Variants in GALNT17 observed in about 807,000 individuals in gnomAD.
GALNT17 encodes polypeptide N-acetylgalactosaminyltransferase 17.
In GALNT17, 29 loss-of-function variants were observed where a neutral mutation model predicts 63.7. The observed-to-expected ratio is 0.46, with a 90% confidence interval of 0.34 to 0.62. The LOEUF is 0.62. Among genes scored for constraint, GALNT17 ranks in the 20% least tolerant of loss-of-function variants. GALNT17 has a pLI of 0.01. For missense variants in GALNT17, 603 were observed against 799.6 expected (o/e 0.75, Z 2.97); for synonymous variants, 305 against 318.3 (o/e 0.96, Z 0.45).
At chr7:71,413,558 G>A (rs1202935239) in intron 3 of GALNT17, among the ~76,000 whole-genome samples, 1 of 150,152 alleles carries the variant, frequency 6.7e-6, no homozygotes, top group East Asian at 2.0e-4. Context: ...TTTTTTAGAA[G>A]AGACAGGGTT....
intron 5 of GALNT17, among the ~76,000 whole-genome samples, chr7:71,476,307 C>T (rs1000067084): frequency 1.3e-5 from 2 of 152,142 alleles, no homozygotes; most frequent in African/African-American, 2.4e-5. Context: ...TTGGGGTTAC[C>T]CTGCCCTTCC....
chr7:71,390,903 G>T (rs899775504), intron 3 of GALNT17, among the ~76,000 whole-genome samples: 1 of 152,234 alleles, frequency 6.6e-6, no homozygotes, highest in Non-Finnish European at 1.5e-5. Flanking sequence ...CCAGGAGCAA[G>T]TGTAAACCCA....
intron 1 of GALNT17, among the ~76,000 whole-genome samples, chr7:71,178,201 T>C (rs1788672808): frequency 6.6e-6 from 1 of 152,194 alleles, no homozygotes; most frequent in South Asian, 2.1e-4. Context: ...GGGTTGACAG[T>C]TTTTAAAAAT....
rs150156407 is a variant in GALNT17, at chr7:71,169,673, A to G, written c.238+36633A>G. ...TGGGCTCAAGTGATCCTCCCACCTC[A>G]GCCTCCAGAGTAGCTGGAACTACAG... On this transcript the variant is annotated intron_variant, in intron 1 of 10. Coordinates refer to ENST00000333538, the MANE Select transcript of GALNT17 (RefSeq NM_022479.3). 4.6e-5 allele frequency among the ~76,000 whole-genome samples: 7 copies of G among 152,244 alleles called. No individual in the cohort carries two copies. In the East Asian group the frequency reaches 1.4e-3, roughly 29 times the overall value.
At chr7:71,224,574 C>T (rs975662963) in intron 1 of GALNT17, among the ~76,000 whole-genome samples, 2 of 152,282 alleles carry the variant, frequency 1.3e-5, no homozygotes, top group East Asian at 1.9e-4. Flanking sequence ...GTGTAAACCA[C>T]GTGGTATATC....
At chr7:71,150,496 T>A (rs1049299925) in intron 1 of GALNT17, among the ~76,000 whole-genome samples, 4 of 151,440 alleles carry the variant, frequency 2.6e-5, no homozygotes, top group Admixed American at 2.0e-4. Flanking sequence ...CTTCTCTCTC[T>A]TTTTTTTCGT....
intron 6 of GALNT17, among the ~76,000 whole-genome samples, chr7:71,608,128 A>G (rs1429510259): frequency 6.6e-6 from 1 of 152,178 alleles, no homozygotes; most frequent in Non-Finnish European, 1.5e-5. Flanking sequence ...AGCTGACATA[A>G]TGATCACTAA....
At chr7:71,485,325 G>C (rs1178930020) in intron 5 of GALNT17, among the ~76,000 whole-genome samples, 1 of 152,040 alleles carries the variant, frequency 6.6e-6, no homozygotes, top group Non-Finnish European at 1.5e-5. Flanking sequence ...TTGAACTCTT[G>C]GGCTCAAGCA....
At chr7:71,249,131 A>G (rs2116485544) in intron 1 of GALNT17, among the ~76,000 whole-genome samples, 1 of 152,328 alleles carries the variant, frequency 6.6e-6, no homozygotes, top group South Asian at 2.1e-4. Context: ...ATGGTGAGCA[A>G]AACTCACAGC....
At chr7:71,315,479 C>T (rs1459637661) in intron 1 of GALNT17, among the ~76,000 whole-genome samples, 6 of 152,224 alleles carry the variant, frequency 3.9e-5, no homozygotes, top group Non-Finnish European at 8.8e-5. Context: ...CACCATTTTA[C>T]ATTCCCATCA....
intron 6 of GALNT17, among the ~76,000 whole-genome samples, chr7:71,643,526 A>G (rs1790633303): frequency 6.6e-6 from 1 of 152,214 alleles, no homozygotes; most frequent in Admixed American, 6.5e-5. Context: ...GGAAAAAGGG[A>G]TGCATTCAAG....
chr7:71,537,044 T>C (rs1788813624), intron 5 of GALNT17, among the ~76,000 whole-genome samples: 1 of 152,188 alleles, frequency 6.6e-6, no homozygotes, highest in East Asian at 1.9e-4. Flanking sequence ...TGAGATGTCA[T>C]GTTCATCCCA....
intron 1 of GALNT17, among the ~76,000 whole-genome samples, chr7:71,216,681 A>G (rs1367471957): frequency 1.5e-5 from 2 of 135,768 alleles, no homozygotes; most frequent in Admixed American, 7.4e-5. Flanking sequence ...CACAGACACA[A>G]ACACACACAT....
intron 1 of GALNT17, among the ~76,000 whole-genome samples, chr7:71,181,497 C>T (rs529993074): frequency 8.5e-5 from 13 of 152,168 alleles, no homozygotes; most frequent in African/African-American, 3.1e-4. Context: ...AACAAATTAG[C>T]TGGTGATGAG....
intron 5 of GALNT17, among the ~76,000 whole-genome samples, chr7:71,439,570 G>A (rs188600693): frequency 3.9e-5 from 6 of 152,254 alleles, no homozygotes; most frequent in Admixed American, 2.6e-4. Context: ...AGCTCCCAGC[G>A]GCAGGTAGAT....
intron 6 of GALNT17, among the ~76,000 whole-genome samples, chr7:71,624,444 T>TAGGGCCCA (rs935616031): frequency 6.6e-6 from 1 of 152,114 alleles, no homozygotes. Flanking sequence ...ACCTTTCTGT[T>TAGGGCCCA]AGGGCCCAAG....
At chr7:71,707,606 C>T (rs1423074400) in intron 9 of GALNT17, among the ~76,000 whole-genome samples, 2 of 152,172 alleles carry the variant, frequency 1.3e-5, no homozygotes, top group African/African-American at 2.4e-5. Context: ...CTGGACTAGG[C>T]TTGGCTGATC....
chr7:71,432,566 C>T lies in GALNT17; in HGVS notation c.962+11461C>T, dbSNP rs77144318. On this transcript the variant is annotated intron_variant, in intron 5 of 10. Transcript: ENST00000333538. ...GGGCCAGTTCTTTCTCTGGATTGTG[C>T]GGGGTTTAGACAACCCAAGCCCACT... Among the ~76,000 whole-genome samples the T allele has an allele frequency of 2.8e-3, 425 of 152,228 alleles. 8 individuals carry two copies. In the East Asian group the frequency reaches 0.035, roughly 12 times the overall value.
chr7:71,511,877 T>G (rs1788361815), intron 5 of GALNT17, among the ~76,000 whole-genome samples: 1 of 152,148 alleles, frequency 6.6e-6, no homozygotes. Context: ...GCTAGACATT[T>G]CTGGTAGTCA....
Sources: allele counts gnomAD v4.1 joint callset (sites outside exome capture counted in the v4.1 genomes callset), GRCh38; gene constraint gnomAD v4.1.1; transcripts MANE v1.5; gene names NCBI Gene and HGNC (gene_info 2026-07-23, HGNC 2026-07-21).